The following TMTC2 variants were observed in gnomAD, a reference collection of about 807,000 sequenced individuals.
TMTC2 encodes protein O-mannosyl-transferase TMTC2.
A neutral mutation model predicts 82.4 loss-of-function variants in TMTC2; 43 were observed. That is an observed-to-expected ratio of 0.52 (90% CI 0.41 to 0.67). The LOEUF is 0.67. TMTC2 is among the 30% of genes least tolerant of loss of function. TMTC2 has a pLI of 0.00. For missense variants in TMTC2, 919 were observed against 1,012.4 expected, an observed-to-expected ratio of 0.91 and a Z score of 1.25; for synonymous variants, 408 against 381.9, an observed-to-expected ratio of 1.07 and a Z score of -0.80.
At chr12:82,877,503 G>A (rs1421388418) in intron 2 of TMTC2, among the ~76,000 whole-genome samples, 1 of 152,168 alleles carries the variant, frequency 6.6e-6, no homozygotes, top group Admixed American at 6.5e-5. Context: ...GAGGAATTAT[G>A]TAATTTTATT....
chr12:82,887,089 A>G (rs866097041), intron 2 of TMTC2, among the ~76,000 whole-genome samples: 1 of 152,164 alleles, frequency 6.6e-6, no homozygotes, highest in African/African-American at 2.4e-5. Context: ...TACAACTACT[A>G]TCATTGCCAA....
chr12:83,051,003 C>G lies in TMTC2; in HGVS notation c.2252C>G (p.Ala751Gly). 1 of 1,609,864 alleles carries G rather than the reference C, an allele frequency of 6.2e-7. No homozygotes were observed. The highest frequency in any genetic ancestry group is 8.5e-7 in the Non-Finnish European group (1 of 1,177,722). The change falls in exon 10 of 12, where the codon GCT (alanine) becomes GGT (glycine). Residue 751 changes from alanine to glycine, a missense_variant. By Grantham distance (60) the Ala-to-Gly change is moderately conservative. Coordinates refer to ENST00000321196, the MANE Select transcript of TMTC2 (RefSeq NM_152588.3). ...ACAGAGTTTGATGTTGTCTTCAATG[C>G]TGCCCACATGCTCAGGTTAGTTTTT... ...DSTEFDVVFNAAHMLRQASLN... is the reference protein window; with the variant it reads ...DSTEFDVVFNGAHMLRQASLN...
intron 1 of TMTC2, among the ~76,000 whole-genome samples, chr12:82,695,484 A>G (rs1206102363): frequency 6.6e-6 from 1 of 152,248 alleles, no homozygotes; most frequent in Non-Finnish European, 1.5e-5. Flanking sequence ...AAATTACAAA[A>G]CTGGTCTTTG....
At chr12:82,876,033 G>GTGGTGGTGGTGGTGGTATTAGTAA (rs1872483666) in intron 2 of TMTC2, among the ~76,000 whole-genome samples, 9 of 91,288 alleles carry the variant, frequency 9.9e-5, no homozygotes, top group African/African-American at 6.6e-4. Flanking sequence ...GGTGGCGGTG[G>GTGGTGGTGGTGGTGGTATTAGTAA]TGGTGGTGGT....
chr12:82,747,972 TTTC>T (rs545361588), intron 1 of TMTC2, among the ~76,000 whole-genome samples: 10 of 152,224 alleles, frequency 6.6e-5, no homozygotes, highest in Non-Finnish European at 1.5e-4. Flanking sequence ...TAAGTTGGAC[TTTC>T]TTATTTGTTT....
chr12:82,982,497 C>T (rs1182671564), intron 7 of TMTC2, among the ~76,000 whole-genome samples: 1 of 149,542 alleles, frequency 6.7e-6, no homozygotes, highest in Non-Finnish European at 1.5e-5. Context: ...TTTATATACA[C>T]CCTTTTTGTG....
At chr12:82,710,684 G>A (rs1343482806) in intron 1 of TMTC2, among the ~76,000 whole-genome samples, 1 of 152,200 alleles carries the variant, frequency 6.6e-6, no homozygotes, top group African/African-American at 2.4e-5. Flanking sequence ...TTGTCGAAGA[G>A]AAATCAAATA....
At chr12:82,780,691 A>G (rs147594636) in intron 1 of TMTC2, among the ~76,000 whole-genome samples, 2 of 152,224 alleles carry the variant, frequency 1.3e-5, no homozygotes, top group African/African-American at 4.8e-5. Flanking sequence ...TTGAACTAAC[A>G]CTTCGTTTGG....
intron 2 of TMTC2, among the ~76,000 whole-genome samples, chr12:82,875,103 G>C (rs931241901): frequency 3.3e-5 from 5 of 152,074 alleles, no homozygotes; most frequent in African/African-American, 2.4e-5. Context: ...AAAGAGTGTG[G>C]TTGTGTGTTC....
intron 3 of TMTC2, among the ~76,000 whole-genome samples, chr12:82,897,573 C>T (rs1199917): frequency 0.12 from 17,869 of 151,982 alleles, 2,008 homozygotes; most frequent in African/African-American, 0.3. Flanking sequence ...TCGCCCAGGC[C>T]GGAGTGCAAT....
chr12:83,044,241 A>G (rs1882004620), intron 9 of TMTC2, among the ~76,000 whole-genome samples: 1 of 152,236 alleles, frequency 6.6e-6, no homozygotes, highest in African/African-American at 2.4e-5. Flanking sequence ...CAGTCCTTTC[A>G]TTGAACATAC....
chr12:82,885,343 C>CT (rs933948245), intron 2 of TMTC2, among the ~76,000 whole-genome samples: 26 of 151,258 alleles, frequency 1.7e-4, no homozygotes, highest in African/African-American at 6.3e-4. Context: ...TATCTGTTTT[C>CT]TTTTTTTAGT....
At chr12:83,119,489 C>T (rs1884879363) in intron 11 of TMTC2, among the ~76,000 whole-genome samples, 1 of 152,100 alleles carries the variant, frequency 6.6e-6, no homozygotes, top group Admixed American at 6.6e-5. Context: ...CAGTTCTATT[C>T]CACTGTGGTG....
At chr12:82,842,204 G>A (rs978396992) in intron 1 of TMTC2, among the ~76,000 whole-genome samples, 1 of 152,140 alleles carries the variant, frequency 6.6e-6, no homozygotes, top group African/African-American at 2.4e-5. Flanking sequence ...CAGTTTTCTA[G>A]TTTGTAGCAT....
intron 2 of TMTC2, among the ~76,000 whole-genome samples, chr12:82,864,293 A>G (rs1404298564): frequency 6.6e-6 from 1 of 151,806 alleles, no homozygotes; most frequent in East Asian, 2.0e-4. Flanking sequence ...ATGTGCTCCT[A>G]CTTTTGCTTG....
At chr12:82,691,387 T>G (rs1872569888) in intron 1 of TMTC2, among the ~76,000 whole-genome samples, 2 of 152,304 alleles carry the variant, frequency 1.3e-5, no homozygotes, top group African/African-American at 2.4e-5. Flanking sequence ...GAATTAAAAT[T>G]ACATCAAGCT....
At position 83,040,747 on chromosome 12, in the gene TMTC2, A is replaced by G. The variant is rs139606234; in HGVS notation, c.2152+9868A>G. On this transcript the variant is annotated intron_variant, in intron 9 of 11. Transcript: ENST00000321196. Reference sequence around the variant, plus strand: ...GTCGCCCAGGCTGAAGCGCAGTGGCACTATCTCTGCTCACGCAAGCTCTGC... The same window carrying G: ...GTCGCCCAGGCTGAAGCGCAGTGGCGCTATCTCTGCTCACGCAAGCTCTGC... Among the ~76,000 whole-genome samples the G allele has an allele frequency of 3.0e-3, 428 of 142,744 alleles. 3 individuals are homozygous for G. Among genetic ancestry groups the G allele is most frequent in the African/African-American group, 0.011 (404 of 38,112 alleles). The allele number at this position is 142,744 out of a possible 152,430, so 93.6% of individuals were successfully genotyped here.
At chr12:82,890,079 C>G (rs1284432107) in intron 2 of TMTC2, among the ~76,000 whole-genome samples, 1 of 152,138 alleles carries the variant, frequency 6.6e-6, no homozygotes. Flanking sequence ...ATGAGTCTAC[C>G]TGTTCTAGAA....
intron 1 of TMTC2, among the ~76,000 whole-genome samples, chr12:82,725,092 A>T (rs1026408497): frequency 1.3e-5 from 2 of 152,168 alleles, no homozygotes; most frequent in Admixed American, 6.5e-5. Flanking sequence ...GATTTTGATT[A>T]AGAGGCCTTT....
Sources: allele counts gnomAD v4.1 joint callset (sites outside exome capture counted in the v4.1 genomes callset), GRCh38; gene constraint gnomAD v4.1.1; transcripts MANE v1.5; gene names NCBI Gene and HGNC (gene_info 2026-07-23, HGNC 2026-07-21).